MON2: variants seen among roughly 807,000 people sequenced by gnomAD.
MON2 encodes the protein MON2 regulator of endosome-to-Golgi trafficking, also known as protein MON2 homolog.
Under a neutral mutation model 208.6 loss-of-function variants are expected in MON2, and 84 were observed. That is an observed-to-expected ratio of 0.40 (90% CI 0.34 to 0.48). MON2 has a LOEUF of 0.48. Among genes scored for constraint, MON2 ranks in the 20% least tolerant of loss-of-function variants. The pLI is 0.59. For missense variants in MON2, 1,611 were observed against 2,015.4 expected, an observed-to-expected ratio of 0.80 and a Z score of 3.84; for synonymous variants, 660 against 694.0, an observed-to-expected ratio of 0.95 and a Z score of 0.77.
Position 62,537,585 on chromosome 12 carries a change from TCCTTTTTAAAATATAG to T in MON2, c.2014-15_2014del. The T allele has an allele frequency of 6.5e-7, 1 of 1,548,842 alleles. No individual in the cohort carries two copies. Among genetic ancestry groups the T allele is most frequent in the Non-Finnish European group, 8.8e-7 (1 of 1,131,556 alleles). On this transcript the variant is annotated splice_acceptor_variant and splice_polypyrimidine_tract_variant and intron_variant, in intron 15 of 34. Coordinates refer to ENST00000393630, the MANE Select transcript of MON2 (RefSeq NM_015026.3). LOFTEE classifies it high-confidence loss of function. The stretch of plus-strand genomic sequence containing the variant: ...ATACATAACAATTATTGAAAATGTA[TCCTTTTTAAAATATAG>T]CTGACTTCCAAAAATATCCAGTGTA...
At chr12:62,543,989 G>A (rs1387236314) in intron 20 of MON2, among the ~76,000 whole-genome samples, 1 of 152,084 alleles carries the variant, frequency 6.6e-6, no homozygotes, top group Admixed American at 6.5e-5. Context: ...AATTTTACCT[G>A]GATTTACATT....
At chr12:62,589,994 G>A (rs967415647) in intron 34 of MON2, among the ~76,000 whole-genome samples, 13 of 152,154 alleles carry the variant, frequency 8.5e-5, no homozygotes, top group Non-Finnish European at 1.0e-4. Flanking sequence ...GCTGTGGTAA[G>A]CTTTATTAAG....
Position 62,497,724 on chromosome 12 carries a change from T to C in MON2, c.436-1195T>C, listed in dbSNP as rs533943213. The stretch of plus-strand genomic sequence containing the variant: ...TCCACCTCCCAGGCTCAAGGAATTC[T>C]CGTGCCTCAGGCTCCCAAGTAGCTG... On this transcript the variant is annotated intron_variant, in intron 4 of 34. Transcript: ENST00000393630. 7.2e-5 allele frequency among the ~76,000 whole-genome samples: 11 copies of C among 152,286 alleles called. No individual in the cohort carries two copies. In the East Asian group the frequency reaches 1.5e-3, roughly 21 times the overall value.
intron 4 of MON2, among the ~76,000 whole-genome samples, 161 bp downstream of exon 4, chr12:62,495,308 T>C (rs540027965): frequency 1.3e-5 from 2 of 152,310 alleles, no homozygotes; most frequent in East Asian, 3.9e-4. Flanking sequence ...ACCTTATTTT[T>C]TCCAGGTTAG....
At position 62,597,870 on chromosome 12, in the gene MON2, T is replaced by G. The variant is rs747148235; in HGVS notation, c.*5121T>G. On this transcript the variant is annotated 3_prime_UTR_variant, in exon 35 of 35. Coordinates refer to ENST00000393630, the MANE Select transcript of MON2 (RefSeq NM_015026.3). ...GAGTTTGAGACTAGCCTAGACAACA[T>G]AGCAAGATCCTATCTCTAGTTCAAA... The G allele has an allele frequency of 2.6e-5, 4 of 152,112 alleles. No individual in the cohort carries two copies. Among genetic ancestry groups the G allele is most frequent in the African/African-American group, 7.2e-5 (3 of 41,426 alleles). 9.4% of individuals were successfully genotyped at this position (152,112 alleles called of 1,614,324 possible). A position where few individuals can be genotyped will look rare whatever the true frequency, so the allele number is the denominator to read the frequency against.
At chr12:62,510,182 A>G (rs1277790714) in intron 8 of MON2, among the ~76,000 whole-genome samples, 1 of 152,188 alleles carries the variant, frequency 6.6e-6, no homozygotes, top group African/African-American at 2.4e-5. Flanking sequence ...TCCAACAAAG[A>G]AAAGTGCAAG....
chr12:62,479,439 C>A (rs1280089879), intron 1 of MON2, among the ~76,000 whole-genome samples: 3 of 145,516 alleles, frequency 2.1e-5, no homozygotes, highest in Admixed American at 6.9e-5. Context: ...TATCCCCCCC[C>A]CCCCCCAAAT....
Position 62,525,950 on chromosome 12 carries a change from A to G in MON2, c.1248A>G (p.Gly416=). The G allele has an allele frequency of 6.2e-7, 1 of 1,611,792 alleles. No individual in the cohort carries two copies. The highest frequency in any genetic ancestry group is 8.5e-7 in the Non-Finnish European group (1 of 1,179,186). Residue 416 remains glycine, a splice_region_variant and synonymous_variant, in exon 11 of 35, where the codon GGA becomes GGG. Coordinates refer to ENST00000393630, the MANE Select transcript of MON2 (RefSeq NM_015026.3). ...TGNPATSNQA[G]NNNLGGSVSA... is the part of the protein sequence containing the mutation. ...TTTTTTTCCCTTCTTCTCTAACAGG[A>G]AACAATAATTTAGGTGGCTCAGTCT...
At chr12:62,581,417 A>C (rs867335513) in intron 32 of MON2, among the ~76,000 whole-genome samples, 1 of 152,072 alleles carries the variant, frequency 6.6e-6, no homozygotes, top group Non-Finnish European at 1.5e-5. Flanking sequence ...TTAGCTGGGC[A>C]TGGTGACACA....
rs1466809132 is a variant in MON2, at chr12:62,592,789, A to T, written c.*40A>T. 6.6e-7 allele frequency: 1 copy of T among 1,509,232 alleles called. No individual in the cohort carries two copies. The allele number at this position is 1,509,232 out of a possible 1,614,324, so 93.5% of individuals were successfully genotyped here. A position where few individuals can be genotyped will look rare whatever the true frequency, so the allele number is the denominator to read the frequency against. On this transcript the variant is annotated 3_prime_UTR_variant, in exon 35 of 35. Transcript: ENST00000393630. ...TTTGAAAGCAGGAAGATAGTCTAAA[A>T]AATGTTTGCTCCTAATTGAGTCTTC...
intron 25 of MON2, among the ~76,000 whole-genome samples, chr12:62,557,181 A>G (rs898095535): frequency 6.6e-6 from 1 of 152,242 alleles, no homozygotes; most frequent in Non-Finnish European, 1.5e-5. Flanking sequence ...TGCACTTCAA[A>G]AAGATCACAA....
intron 3 of MON2, among the ~76,000 whole-genome samples, chr12:62,494,621 CA>C (rs1473484190): frequency 9.2e-5 from 14 of 152,070 alleles, no homozygotes; most frequent in Non-Finnish European, 2.1e-4. Context: ...ATATGGGTTG[CA>C]TTTTTTTTCT....
At chr12:62,500,720 C>T in intron 5 of MON2, 63 bp from the exon 6 acceptor site, 2 of 719,310 alleles carry the variant, frequency 2.8e-6, no homozygotes, top group Non-Finnish European at 4.6e-6. Context: ...ATCTTTTAAA[C>T]AGAATATATA....
intron 8 of MON2, among the ~76,000 whole-genome samples, chr12:62,520,554 T>A (rs2071972133): frequency 6.6e-6 from 1 of 152,178 alleles, no homozygotes; most frequent in Non-Finnish European, 1.5e-5. Flanking sequence ...TTCACAGCTA[T>A]GCTTTTCTTC....
At chr12:62,477,676 A>G (rs541036840) in intron 1 of MON2, among the ~76,000 whole-genome samples, 2 of 151,116 alleles carry the variant, frequency 1.3e-5, no homozygotes, top group East Asian at 3.9e-4. Flanking sequence ...TTGACCTCCC[A>G]AAGTGCTGGG....
intron 22 of MON2, among the ~76,000 whole-genome samples, chr12:62,549,207 A>C (rs2073632177): frequency 6.6e-6 from 1 of 151,964 alleles, no homozygotes; most frequent in African/African-American, 2.4e-5. Flanking sequence ...TGTCTTTTTT[A>C]CATTTATGTA....
intron 8 of MON2, among the ~76,000 whole-genome samples, chr12:62,519,244 C>T (rs1179531923): frequency 1.3e-5 from 2 of 152,148 alleles, no homozygotes; most frequent in Non-Finnish European, 2.9e-5. Context: ...TAGCAGCACA[C>T]CACCGTTCCA....
rs977800708 is a variant in MON2 at position 62,597,564 on chromosome 12, A to C, written c.*4815A>C. 5 of 152,210 alleles carry C rather than the reference A, an allele frequency of 3.3e-5. No individual in the cohort carries two copies. Among genetic ancestry groups the C allele is most frequent in the African/African-American group, 1.2e-4 (5 of 41,454 alleles). The allele number at this position is 152,210 out of a possible 1,614,324, so 9.4% of individuals were successfully genotyped here. On this transcript the variant is annotated 3_prime_UTR_variant, in exon 35 of 35. Transcript: ENST00000393630. ...CTGGAAGTGCCATAAAAAACTAAAA[A>C]TAAAAAAAAATTGTGACTATAACTC...
Position 62,500,865 on chromosome 12 carries a change from A to T in MON2, c.648A>T (p.Ala216=). 3 of 1,564,670 alleles carry T rather than the reference A, an allele frequency of 1.9e-6. No individual in the cohort carries two copies. Among genetic ancestry groups the T allele is most frequent in the Non-Finnish European group, 1.7e-6 (2 of 1,151,840 alleles). Reference sequence around the variant, plus strand: ...CCCTCAAACCTTGTGCTAAAGATGCATATATGCTTTTCCAGGTATTTTAGT... The same window carrying T: ...CCCTCAAACCTTGTGCTAAAGATGCTTATATGCTTTTCCAGGTATTTTAGT... ...VSTLKPCAKD[A]YMLFQDLCQL... The change falls in exon 6 of 35, where the codon GCA becomes GCT. Residue 216 remains alanine, a synonymous_variant. Coordinates refer to ENST00000393630, the MANE Select transcript of MON2 (RefSeq NM_015026.3).
Sources: gnomAD v4.1 joint callset for allele counts (sites outside exome capture counted in the v4.1 genomes callset) on GRCh38, gnomAD v4.1.1 for gene constraint, MANE v1.5 for transcripts, NCBI Gene and HGNC (gene_info 2026-07-23, HGNC 2026-07-21) for gene names.